Variants in AQP8 observed in about 807,000 individuals in gnomAD.
The protein encoded by AQP8 is aquaporin-8.
AQP8 carries 14 observed loss-of-function variants against 26.1 expected under a neutral mutation model. The observed-to-expected ratio is 0.54, with a 90% CI of 0.35 to 0.84. AQP8 has a LOEUF of 0.84. Ranked by LOEUF, AQP8 falls within the 40% of genes least tolerant of loss-of-function variation. The pLI is 0.01. For missense variants in AQP8, 301 were observed against 340.5 expected, an observed-to-expected ratio of 0.88 and a Z score of 0.91; for synonymous variants, 131 against 150.7, an observed-to-expected ratio of 0.87 and a Z score of 0.96.
chr16:25,224,500 G>A lies in AQP8; in HGVS notation c.526G>A (p.Ala176Thr). The A allele has an allele frequency of 6.2e-7, 1 of 1,614,080 alleles. No individual in the cohort carries two copies. Among genetic ancestry groups the A allele is most frequent in the Non-Finnish European group, 8.5e-7 (1 of 1,180,016 alleles). The change falls in exon 4 of 6, where the codon GCC (alanine) becomes ACC (threonine). Residue 176 changes from alanine (A) to threonine (T), a missense_variant. Physicochemically the swap from Ala to Thr is moderately conservative, Grantham distance 58. Coordinates refer to ENST00000219660, the MANE Select transcript of AQP8 (RefSeq NM_001169.3). Reference protein sequence around the residue: ...TLLALAVCMGAINEKTKGPLA... With the variant: ...TLLALAVCMGTINEKTKGPLA... ...GCTGGCCCTGGCTGTATGCATGGGTGCCATCAATGAGAAGACAAAGGGCCC... is the reference window on the plus strand; with the variant it reads ...GCTGGCCCTGGCTGTATGCATGGGTACCATCAATGAGAAGACAAAGGGCCC...
chr16:25,223,989 G>A (rs530490494), intron 3 of AQP8, among the ~76,000 whole-genome samples: 14 of 152,110 alleles, frequency 9.2e-5, no homozygotes, highest in East Asian at 7.8e-4. Flanking sequence ...ACTTCACCCC[G>A]CTAATTTTTG....
chr16:25,228,729 C>T lies in AQP8; in HGVS notation c.*237C>T, dbSNP rs1962669309. On this transcript the variant is annotated 3_prime_UTR_variant, in exon 6 of 6. Coordinates refer to ENST00000219660, the MANE Select transcript of AQP8 (RefSeq NM_001169.3). ...CTGGGGAACACGCTGCCCGCACTGC[C>T]CAGAGAGCAGTGCAAACACCACAAC... 3 of 504,490 alleles carry T rather than the reference C, an allele frequency of 5.9e-6. No homozygotes were observed. The highest frequency in any genetic ancestry group is 4.9e-5 in the South Asian group (2 of 40,656). The allele number at this position is 504,490 out of a possible 1,614,324, so 31.3% of individuals were successfully genotyped here.
At chr16:25,221,877 C>T (rs1358279384) in intron 3 of AQP8, among the ~76,000 whole-genome samples, 1 of 152,140 alleles carries the variant, frequency 6.6e-6, no homozygotes, top group Non-Finnish European at 1.5e-5. Flanking sequence ...AAGCAATTCT[C>T]CCACCTCAGC....
intron 4 of AQP8, among the ~76,000 whole-genome samples, chr16:25,225,161 G>A (rs963415610): frequency 8.5e-5 from 13 of 152,272 alleles, no homozygotes; most frequent in African/African-American, 2.9e-4. Flanking sequence ...TTTAATTTTT[G>A]TTGTAGAGAT....
At chr16:25,217,504 C>T in intron 2 of AQP8, 59 bp downstream of exon 2, 2 of 1,589,448 alleles carry the variant, frequency 1.3e-6, no homozygotes, top group Non-Finnish European at 1.7e-6. Context: ...GTGTGGAAAG[C>T]AAAGGCGTTG....
intron 2 of AQP8, among the ~76,000 whole-genome samples, chr16:25,221,212 C>T (rs1206422889): frequency 1.3e-5 from 2 of 152,172 alleles, no homozygotes; most frequent in South Asian, 2.1e-4. Context: ...CCTACACGCT[C>T]TTCCTCCAGG....
rs765231883 is a variant in AQP8, at chr16:25,227,168, C to A, written c.703C>A (p.Leu235Ile). The change falls in exon 5 of 6, where the codon CTC becomes ATC. Residue 235 changes from leucine to isoleucine, a missense_variant. Physicochemically the swap from Leu to Ile is conservative, Grantham distance 5 (BLOSUM62 2). Transcript: ENST00000219660. ...NFHWIYWLGPLLAGLLVGLLI... is the reference protein window; with the variant it reads ...NFHWIYWLGPILAGLLVGLLI... Reference sequence around the variant, plus strand: ...CCACTGGATCTACTGGCTGGGCCCACTCCTGGCTGGCCTGCTTGTTGGACT... The same window carrying A: ...CCACTGGATCTACTGGCTGGGCCCAATCCTGGCTGGCCTGCTTGTTGGACT... 1.2e-6 allele frequency: 2 copies of A among 1,614,130 alleles called. No individual in the cohort carries two copies. The highest frequency in any genetic ancestry group is 1.7e-6 in the Non-Finnish European group (2 of 1,180,028).
chr16:25,218,000 G>A (rs886860902), intron 2 of AQP8, among the ~76,000 whole-genome samples: 1 of 152,120 alleles, frequency 6.6e-6, no homozygotes, highest in Non-Finnish European at 1.5e-5. Flanking sequence ...TGTGGGGTAG[G>A]TCCTGTTATT....
chr16:25,218,495 G>C (rs1406499019), intron 2 of AQP8, among the ~76,000 whole-genome samples: 6 of 152,194 alleles, frequency 3.9e-5, no homozygotes, highest in African/African-American at 1.4e-4. Context: ...CTGGGACATG[G>C]TTGGTCTGTA....
chr16:25,217,585 CA>C, intron 2 of AQP8, 140 bp downstream of exon 2: 3 of 1,208,440 alleles, frequency 2.5e-6, no homozygotes, highest in Non-Finnish European at 3.4e-6. Context: ...GGTTGGGAGT[CA>C]GACTGGGGTC....
chr16:25,221,626 G>A (rs768913386), intron 3 of AQP8, 43 bp downstream of exon 3: 1 of 1,611,070 alleles, frequency 6.2e-7, no homozygotes, highest in Non-Finnish European at 8.5e-7. Flanking sequence ...CTCTCTGATG[G>A]GGCTGCTGGA....
chr16:25,228,860 G>T lies in AQP8; in HGVS notation c.*368G>T, dbSNP rs966150049. ...ATTTCTTGCTTGATTGCTTTGTTGG[G>T]GGCCTGGCCACTTCCTTGCTTCTCA... On this transcript the variant is annotated 3_prime_UTR_variant, in exon 6 of 6. Transcript: ENST00000219660. 5.4e-6 allele frequency: 1 copy of T among 183,630 alleles called. No homozygotes were observed. The highest frequency in any genetic ancestry group is 1.1e-5 in the Non-Finnish European group (1 of 88,370). The allele number at this position is 183,630 out of a possible 1,614,324, so 11.4% of individuals were successfully genotyped here.
chr16:25,225,005 G>T (rs1567344773), intron 4 of AQP8, among the ~76,000 whole-genome samples: 1 of 152,220 alleles, frequency 6.6e-6, no homozygotes, highest in East Asian at 1.9e-4. Context: ...CTTTGGAAGG[G>T]ATTAAGTAGA....
intron 5 of AQP8, among the ~76,000 whole-genome samples, chr16:25,227,779 C>T (rs1371643223): frequency 1.3e-5 from 2 of 151,968 alleles, no homozygotes; most frequent in African/African-American, 2.4e-5. Flanking sequence ...TGAGCCACCG[C>T]GCCCAGCCAG....
Position 25,217,381 on chromosome 16 carries a change from C to T in AQP8, c.196C>T (p.Leu66=), listed in dbSNP as rs1962502531. The change falls in exon 2 of 6, where the codon CTG becomes TTG. Residue 66 remains leucine, a synonymous_variant. Coordinates refer to ENST00000219660, the MANE Select transcript of AQP8 (RefSeq NM_001169.3). ...VIENGTDTGL[L]QPALAHGLAL... ...TGAGAATGGGACGGACACTGGGCTG[C>T]TGCAGCCGGCCCTGGCCCACGGGCT... 1 of 1,614,136 alleles carries T rather than the reference C, an allele frequency of 6.2e-7. No individual in the cohort carries two copies. Among genetic ancestry groups the T allele is most frequent in the Admixed American group, 1.7e-5 (1 of 60,018 alleles).
intron 2 of AQP8, among the ~76,000 whole-genome samples, chr16:25,218,064 G>A (rs1962511434): frequency 6.6e-6 from 1 of 152,184 alleles, no homozygotes; most frequent in Non-Finnish European, 1.5e-5. Flanking sequence ...TCCAAGCTTA[G>A]AGGGCCAGAA....
At position 25,221,477 on chromosome 16, in the gene AQP8, C is replaced by A; in HGVS notation, c.281C>A (p.Ala94Glu). 2 of 1,614,068 alleles carry A rather than the reference C, an allele frequency of 1.2e-6. No homozygotes were observed. The highest frequency in any genetic ancestry group is 1.7e-6 in the Non-Finnish European group (2 of 1,179,964). The part of the protein sequence containing the change: ...GNISGGHFNP[A>E]VSLAAMLIGG... ...TACAGTGGTGGACACTTCAACCCTG[C>A]GGTGTCCCTGGCAGCCATGCTGATC... The change falls in exon 3 of 6, where the codon GCG becomes GAG. Residue 94 changes from alanine (A) to glutamate (E), a missense_variant. Coordinates refer to ENST00000219660, the MANE Select transcript of AQP8 (RefSeq NM_001169.3).
At chr16:25,222,681 G>C (rs1041035736) in intron 3 of AQP8, among the ~76,000 whole-genome samples, 3 of 151,988 alleles carry the variant, frequency 2.0e-5, no homozygotes, top group East Asian at 3.9e-4. Flanking sequence ...GTGTGTGTGG[G>C]GGGTGGTGGA....
chr16:25,225,060 A>G (rs748130439), intron 4 of AQP8, among the ~76,000 whole-genome samples: 1 of 152,320 alleles, frequency 6.6e-6, no homozygotes, highest in Non-Finnish European at 1.5e-5. Flanking sequence ...AAGGAAACTG[A>G]GGCTTAGAGA....
Sources: allele counts gnomAD v4.1 joint callset (sites outside exome capture counted in the v4.1 genomes callset), GRCh38; gene constraint gnomAD v4.1.1; transcripts MANE v1.5; gene names NCBI Gene and HGNC (gene_info 2026-07-23, HGNC 2026-07-21).